FHIP2A: variants seen among roughly 807,000 people sequenced by gnomAD.
FHIP2A encodes the protein FHF complex subunit HOOK interacting protein 2A.
A neutral mutation model predicts 93.5 loss-of-function variants in FHIP2A; 46 were observed. The ratio of observed to expected loss-of-function variants is 0.49; its 90% CI spans 0.39 to 0.63. The LOEUF is 0.63. Among genes scored for constraint, FHIP2A ranks in the 20% least tolerant of loss-of-function variants. FHIP2A has a pLI of 0.00. For synonymous variants in FHIP2A, 332 were observed against 326.5 expected, an observed-to-expected ratio of 1.02 and a Z score of -0.18; for missense variants, 769 against 909.7, an observed-to-expected ratio of 0.85 and a Z score of 1.99.
chr10:114,879,858 G>T (rs535370261), intron 16 of FHIP2A, among the ~76,000 whole-genome samples: 2 of 152,128 alleles, frequency 1.3e-5, no homozygotes, highest in Non-Finnish European at 2.9e-5. Context: ...GGAGGCTCTC[G>T]CGGTGTGCCC....
Position 114,862,709 on chromosome 10 carries a change from A to G in FHIP2A, c.*1169A>G. On this transcript the variant is annotated 3_prime_UTR_variant, in exon 17 of 17. Coordinates refer to ENST00000369248, the MANE Select transcript of FHIP2A (RefSeq NM_020940.4). ...CTTGATTGACAAAATCGTGTTTGCC[A>G]GTCCACTTTCTATTTTTCCTTTAAG... The G allele has an allele frequency of 1.0e-6, 1 of 985,614 alleles. No individual in the cohort carries two copies. The highest frequency in any genetic ancestry group is 4.7e-5 in the South Asian group (1 of 21,298). The allele number at this position is 985,614 out of a possible 1,614,324, so 61.1% of individuals were successfully genotyped here.
intron 14 of FHIP2A, among the ~76,000 whole-genome samples, chr10:114,859,530 G>C (rs1395533719): frequency 2.0e-5 from 3 of 152,146 alleles, no homozygotes; most frequent in African/African-American, 7.2e-5. Flanking sequence ...TGCCACCTGG[G>C]TTCTCTGCAG....
Position 114,864,459 on chromosome 10 carries a change from A to G in FHIP2A, c.*2919A>G. On this transcript the variant is annotated 3_prime_UTR_variant, in exon 17 of 17. Coordinates refer to ENST00000369248, the MANE Select transcript of FHIP2A (RefSeq NM_020940.4). ...CCCTGTAAAATAGTGTTACTGTAAT[A>G]CTCTGTTTTGCCTCCTGCCTTGTTT... 1.0e-6 allele frequency: 1 copy of G among 985,706 alleles called. No individual in the cohort carries two copies. The highest frequency in any genetic ancestry group is 1.2e-6 in the Non-Finnish European group (1 of 829,890). 61.1% of individuals were successfully genotyped at this position (985,706 alleles called of 1,614,324 possible).
At chr10:114,877,884 A>T (rs1311173550) in intron 16 of FHIP2A, among the ~76,000 whole-genome samples, 1 of 150,802 alleles carries the variant, frequency 6.6e-6, no homozygotes, top group Non-Finnish European at 1.5e-5. Context: ...AATTATTTTT[A>T]TCAGATATCA....
chr10:114,835,495 G>T, intron 3 of FHIP2A, 42 bp from the exon 4 acceptor site: 1 of 1,195,402 alleles, frequency 8.4e-7, no homozygotes, highest in Non-Finnish European at 1.2e-6. Context: ...TGTTTGCATT[G>T]TCTGTTGTTT....
chr10:114,848,758 T>C, intron 13 of FHIP2A, 21 bp downstream of exon 13: 1 of 1,534,930 alleles, frequency 6.5e-7, no homozygotes, highest in South Asian at 1.1e-5. Flanking sequence ...TCACTAAATG[T>C]TGGAAATGAA....
intron 3 of FHIP2A, among the ~76,000 whole-genome samples, chr10:114,834,200 A>G (rs934462717): frequency 1.8e-4 from 28 of 152,198 alleles, no homozygotes; most frequent in Admixed American, 5.9e-4. Context: ...AGCATGCAAG[A>G]TGATTTCCTT....
rs1203701769 is a variant in FHIP2A at position 114,843,152 on chromosome 10, C to T, written c.742C>T (p.Pro248Ser). Reference protein sequence around the residue: ...SLDNLSVTSLPEASVVCPNQD... With the variant: ...SLDNLSVTSLSEASVVCPNQD... ...GGATAACCTCAGTGTCACCTCACTG[C>T]CAGAGGCCTCGGTTGTTTGTCCAAA... is the stretch of plus-strand genomic sequence containing the variant. The change falls in exon 6 of 17, where the codon CCA becomes TCA. Residue 248 changes from proline (P) to serine (S), a missense_variant. By Grantham distance (74) the Pro-to-Ser change is moderately conservative. Coordinates refer to ENST00000369248, the MANE Select transcript of FHIP2A (RefSeq NM_020940.4). 1 of 1,613,770 alleles carries T rather than the reference C, an allele frequency of 6.2e-7. No individual in the cohort carries two copies. The highest frequency in any genetic ancestry group is 2.2e-5 in the East Asian group (1 of 44,878).
intron 1 of FHIP2A, among the ~76,000 whole-genome samples, chr10:114,829,073 A>C (rs2083593448): frequency 6.6e-6 from 1 of 152,246 alleles, no homozygotes; most frequent in African/African-American, 2.4e-5. Context: ...TGCAAGAATA[A>C]CATGACCTCT....
At chr10:114,878,791 A>G (rs7073309) in intron 16 of FHIP2A, among the ~76,000 whole-genome samples, 27,253 of 135,534 alleles carry the variant, frequency 0.2, 3,411 homozygotes, top group African/African-American at 0.32. Context: ...AAAAAAAAAA[A>G]AAAGAAAGAA....
In FHIP2A at chr10:114,894,493, G is replaced by A. The variant is rs7095844; in HGVS notation, c.2193-4997G>A. On this transcript the variant is annotated intron_variant, in intron 16 of 16. Transcript: ENST00000369250. Reference sequence around the variant, plus strand: ...TGAGGTGGGAGAATCACCTGAGTCCGGGGACGTCAAGGCTGCAGTGAGCGG... The same window carrying A: ...TGAGGTGGGAGAATCACCTGAGTCCAGGGACGTCAAGGCTGCAGTGAGCGG... Among the ~76,000 whole-genome samples the A allele has an allele frequency of 5.5e-3, 841 of 152,218 alleles. 9 individuals carry two copies. Among genetic ancestry groups the A allele is most frequent in the African/African-American group, 0.02 (820 of 41,530 alleles).
downstream of FHIP2A, among the ~76,000 whole-genome samples, chr10:114,868,706 G>C (rs938172953): frequency 2.0e-5 from 3 of 152,102 alleles, no homozygotes; most frequent in Non-Finnish European, 4.4e-5. Context: ...ATATCAGAGG[G>C]GAGAGTAAGG....
chr10:114,840,609 G>A (rs1445027658), intron 5 of FHIP2A, among the ~76,000 whole-genome samples: 5 of 152,320 alleles, frequency 3.3e-5, no homozygotes, highest in Admixed American at 2.6e-4. Context: ...CGACCAAGTT[G>A]GAAGCAGTGG....
At position 114,848,688 on chromosome 10, in the gene FHIP2A, A is replaced by G; in HGVS notation, c.1754A>G (p.His585Arg). Reference protein sequence around the residue: ...LVPDDAKSSYHVEGTGYDTYL... With the variant: ...LVPDDAKSSYRVEGTGYDTYL... ...CCGGATGACGCAAAATCCTCCTACCATGTTGAGGGCACAGGATATGACACT... is the reference window on the plus strand; with the variant it reads ...CCGGATGACGCAAAATCCTCCTACCGTGTTGAGGGCACAGGATATGACACT... The change falls in exon 13 of 17, where the codon CAT becomes CGT. Residue 585 changes from histidine (H) to arginine (R), a missense_variant. Transcript: ENST00000369248. The G allele has an allele frequency of 6.2e-7, 1 of 1,613,420 alleles. No individual in the cohort carries two copies. The highest frequency in any genetic ancestry group is 8.5e-7 in the Non-Finnish European group (1 of 1,179,784).
intron 16 of FHIP2A, among the ~76,000 whole-genome samples, chr10:114,879,721 C>T (rs1592032389): frequency 6.6e-6 from 1 of 152,264 alleles, no homozygotes; most frequent in South Asian, 2.1e-4. Flanking sequence ...CAGACAGGGT[C>T]TCGCTCTGTC....
rs2083807378 is a variant in FHIP2A at position 114,862,675 on chromosome 10, A to G, written c.*1135A>G. The stretch of plus-strand genomic sequence containing the variant: ...TCAGCAAAGCTGCGCTGGGCACAGC[A>G]TGCTTGTACTTGATTGACAAAATCG... On this transcript the variant is annotated 3_prime_UTR_variant, in exon 17 of 17. Transcript: ENST00000369248. 2 of 985,576 alleles carry G rather than the reference A, an allele frequency of 2.0e-6. No homozygotes were observed. The highest frequency in any genetic ancestry group is 2.4e-6 in the Non-Finnish European group (2 of 830,122). 61.1% of individuals were successfully genotyped at this position (985,576 alleles called of 1,614,324 possible).
At chr10:114,850,448 G>A (rs1483461584) in intron 13 of FHIP2A, among the ~76,000 whole-genome samples, 1 of 152,180 alleles carries the variant, frequency 6.6e-6, no homozygotes, top group Non-Finnish European at 1.5e-5. Flanking sequence ...TCTCACACCT[G>A]TAACCCCAGC....
chr10:114,848,765 T>C lies in FHIP2A; in HGVS notation c.1803+28T>C, dbSNP rs201677221. On this transcript the variant is annotated intron_variant, in intron 13 of 16. Transcript: ENST00000369248. ...AGGTGAAGTCACTAAATGTTGGAAA[T>C]GAAATCTAAGAATAGACACATGCAC... is the stretch of plus-strand genomic sequence containing the variant. The C allele has an allele frequency of 1.2e-4, 184 of 1,483,536 alleles. 1 individual carries two copies. The highest frequency in any genetic ancestry group is 1.2e-4 in the Non-Finnish European group (128 of 1,063,584). 91.9% of individuals were successfully genotyped at this position (1,483,536 alleles called of 1,614,324 possible). A position where few individuals can be genotyped will look rare whatever the true frequency, so the allele number is the denominator to read the frequency against.
rs764141437 is a variant in FHIP2A at position 114,846,164 on chromosome 10, A to G, written c.1206-11A>G. ...ATTTTTGCCCACTGACTACCTGTTCATTGTGCTCAGTTCTGAGATGGGTAT... is the reference window on the plus strand; with the variant it reads ...ATTTTTGCCCACTGACTACCTGTTCGTTGTGCTCAGTTCTGAGATGGGTAT... On this transcript the variant is annotated splice_polypyrimidine_tract_variant and intron_variant, in intron 9 of 16. Coordinates refer to ENST00000369248, the MANE Select transcript of FHIP2A (RefSeq NM_020940.4). 2 of 1,613,868 alleles carry G rather than the reference A, an allele frequency of 1.2e-6. No individual in the cohort carries two copies. The highest frequency in any genetic ancestry group is 2.2e-5 in the East Asian group (1 of 44,866).
Sources: gnomAD v4.1 joint callset for allele counts (sites outside exome capture counted in the v4.1 genomes callset) on GRCh38, gnomAD v4.1.1 for gene constraint, MANE v1.5 for transcripts, NCBI Gene and HGNC (gene_info 2026-07-23, HGNC 2026-07-21) for gene names.